KCNA6: variants seen among roughly 807,000 people sequenced by gnomAD.
KCNA6 encodes potassium voltage-gated channel subfamily A member 6, also known as human brain potassium channel-2.
In KCNA6, 17 loss-of-function variants were observed where a neutral mutation model predicts 29.5. The observed-to-expected ratio is 0.58, with a 90% CI of 0.39 to 0.86. KCNA6 has a LOEUF of 0.86. Ranked by LOEUF, KCNA6 falls within the 40% of genes least tolerant of loss-of-function variation. The probability of loss-of-function intolerance (pLI) is 0.00; values close to 1 mark genes in which losing one functional copy is unlikely to be tolerated. For missense variants in KCNA6, 450 were observed against 703.4 expected, an observed-to-expected ratio of 0.64 and a Z score of 4.07; for synonymous variants, 296 against 304.7, an observed-to-expected ratio of 0.97 and a Z score of 0.30.
chr12:4,830,063 G>T, the KCNA6 span, among the ~76,000 whole-genome samples: 4 of 152,134 alleles, frequency 2.6e-5, no homozygotes, highest in African/African-American at 9.7e-5. Flanking sequence ...GCTGATGCTC[G>T]CGAGGCTCTT....
the KCNA6 span, among the ~76,000 whole-genome samples, chr12:4,827,184 C>CCTT: frequency 9.2e-6 from 1 of 108,198 alleles, no homozygotes; most frequent in Non-Finnish European, 1.8e-5. Flanking sequence ...TTCCTTCCTT[C>CCTT]CCTCCTTCCT....
At chr12:4,831,088 T>A in the KCNA6 span, among the ~76,000 whole-genome samples, 1 of 152,058 alleles carries the variant, frequency 6.6e-6, no homozygotes, top group African/African-American at 2.4e-5. Flanking sequence ...AAAGCTGGTC[T>A]CCGCTGTGCC....
chr12:4,838,540 G>C, the KCNA6 span, among the ~76,000 whole-genome samples: 14 of 152,186 alleles, frequency 9.2e-5, no homozygotes, highest in Non-Finnish European at 1.9e-4. Flanking sequence ...AGTTTACTCA[G>C]TCGCCTCTGA....
At chr12:4,845,940 C>A in the KCNA6 span, among the ~76,000 whole-genome samples, 1 of 148,850 alleles carries the variant, frequency 6.7e-6, no homozygotes, top group Non-Finnish European at 1.5e-5. Flanking sequence ...GGTTGCGGAT[C>A]CTTTATCTCA....
At chr12:4,843,061 A>G in the KCNA6 span, among the ~76,000 whole-genome samples, 1 of 152,170 alleles carries the variant, frequency 6.6e-6, no homozygotes, top group East Asian at 1.9e-4. Context: ...GAGGAAGAGG[A>G]TGACTTCTAG....
the KCNA6 span, among the ~76,000 whole-genome samples, chr12:4,842,012 CGTGTGTGTGTGTGTGTGTGT>C: frequency 6.4e-5 from 8 of 124,980 alleles, no homozygotes; most frequent in African/African-American, 1.3e-4. Flanking sequence ...ATGGAGCTTA[CGTGTGTGTGTGTGTGTGTGT>C]GTGTGTGTGT....
At chr12:4,832,217 TCAGA>T in the KCNA6 span, among the ~76,000 whole-genome samples, 5 of 151,892 alleles carry the variant, frequency 3.3e-5, no homozygotes, top group African/African-American at 1.2e-4. Flanking sequence ...TTGGGAAAAC[TCAGA>T]CAGAGAGGGA....
At chr12:4,849,503 T>TC in the KCNA6 span, among the ~76,000 whole-genome samples, 1 of 148,518 alleles carries the variant, frequency 6.7e-6, no homozygotes, top group African/African-American at 2.5e-5. Flanking sequence ...TTTTTTTTTT[T>TC]TTTTTTTTTT....
chr12:4,813,135 T>TA (rs1555075711), exon 1 of KCNA6: 3,659 of 166,816 alleles, frequency 0.022, 125 homozygotes, highest in African/African-American at 0.079. Flanking sequence ...ATTTTTTTTT[T>TA]AAAAATTATT....
the KCNA6 span, among the ~76,000 whole-genome samples, chr12:4,831,951 A>T: frequency 1.3e-5 from 2 of 152,284 alleles, no homozygotes; most frequent in African/African-American, 4.8e-5. Flanking sequence ...TCACAGAAAC[A>T]TGGTGAGGGT....
the KCNA6 span, among the ~76,000 whole-genome samples, chr12:4,836,846 G>T: frequency 1.3e-5 from 2 of 152,178 alleles, no homozygotes; most frequent in African/African-American, 4.8e-5. Context: ...CGGGTGGCTC[G>T]CCTAGGAGAA....
the KCNA6 span, among the ~76,000 whole-genome samples, chr12:4,826,946 T>C: frequency 6.6e-6 from 1 of 152,216 alleles, no homozygotes; most frequent in African/African-American, 2.4e-5. Context: ...CAATAGTTTT[T>C]ATCTACTGTC....
chr12:4,822,263 T>C, the KCNA6 span, among the ~76,000 whole-genome samples: 6 of 152,192 alleles, frequency 3.9e-5, no homozygotes, highest in African/African-American at 1.2e-4. Flanking sequence ...GGGAAAATGA[T>C]ACCTGGCTTA....
chr12:4,841,841 G>A, the KCNA6 span, among the ~76,000 whole-genome samples: 19,027 of 152,076 alleles, frequency 0.13, 1,354 homozygotes, highest in African/African-American at 0.18. Flanking sequence ...GATGAGACAG[G>A]TGAATAAAAT....
chr12:4,817,048 C>T (rs1008562483), downstream of KCNA6, among the ~76,000 whole-genome samples: 13 of 152,360 alleles, frequency 8.5e-5, no homozygotes, highest in African/African-American at 2.9e-4. Context: ...TCCCAGAGAG[C>T]GTGGTCCTTC....
chr12:4,847,238 A>G, the KCNA6 span, among the ~76,000 whole-genome samples: 3 of 151,986 alleles, frequency 2.0e-5, no homozygotes, highest in Non-Finnish European at 4.4e-5. Context: ...TAATTTCTAA[A>G]TTTCATGATG....
chr12:4,838,253 C>T, the KCNA6 span, among the ~76,000 whole-genome samples: 3 of 152,132 alleles, frequency 2.0e-5, no homozygotes, highest in Non-Finnish European at 2.9e-5. Context: ...TCAGAGCTGC[C>T]TGGGAATCAA....
the KCNA6 span, among the ~76,000 whole-genome samples, chr12:4,821,402 C>T: frequency 6.6e-6 from 1 of 151,752 alleles, no homozygotes; most frequent in Admixed American, 6.6e-5. Flanking sequence ...CCCAACCAGA[C>T]CCTCTACTCA....
the KCNA6 span, among the ~76,000 whole-genome samples, chr12:4,821,155 A>G: frequency 6.6e-6 from 1 of 152,158 alleles, no homozygotes; most frequent in African/African-American, 2.4e-5. Context: ...AAATCACAGG[A>G]CCAGGGTGAG....
Sources: gnomAD v4.1 joint callset for allele counts (sites outside exome capture counted in the v4.1 genomes callset) on GRCh38, gnomAD v4.1.1 for gene constraint, MANE v1.5 for transcripts, NCBI Gene and HGNC (gene_info 2026-07-23, HGNC 2026-07-21) for gene names.